Variants in GRID1 observed in about 807,000 individuals in gnomAD.
The protein encoded by GRID1 is glutamate ionotropic receptor delta type subunit 1, also known as glutamate receptor ionotropic, delta-1.
A neutral mutation model predicts 98.0 loss-of-function variants in GRID1; 28 were observed. The ratio of observed to expected loss-of-function variants is 0.29; its 90% CI spans 0.21 to 0.39. GRID1 has a LOEUF of 0.39. Among genes scored for constraint, GRID1 ranks in the 10% least tolerant of loss-of-function variants. The probability of loss-of-function intolerance (pLI) is 1.00; values close to 1 mark genes in which losing one functional copy is unlikely to be tolerated. For missense variants in GRID1, 1,111 were observed against 1,340.5 expected (o/e 0.83, Z 2.67); for synonymous variants, 553 against 538.5 (o/e 1.03, Z -0.37).
chr10:85,972,954 G>T (rs1236540351), intron 4 of GRID1, among the ~76,000 whole-genome samples: 1 of 152,108 alleles, frequency 6.6e-6, no homozygotes, highest in Non-Finnish European at 1.5e-5. Flanking sequence ...TGATTGCATG[G>T]ATTTCATTTT....
At chr10:86,068,920 T>C (rs181636833) in intron 4 of GRID1, among the ~76,000 whole-genome samples, 1 of 152,084 alleles carries the variant, frequency 6.6e-6, no homozygotes, top group Admixed American at 6.5e-5. Flanking sequence ...GGGCTTGCCA[T>C]TCTGCCTCCA....
At chr10:85,986,125 G>T (rs926087037) in intron 4 of GRID1, among the ~76,000 whole-genome samples, 2 of 152,248 alleles carry the variant, frequency 1.3e-5, no homozygotes, top group Admixed American at 1.3e-4. Context: ...GGGAAGTTCT[G>T]CATGCCTCCC....
At chr10:86,183,708 A>T (rs185772698) in intron 3 of GRID1, among the ~76,000 whole-genome samples, 149 of 152,334 alleles carry the variant, frequency 9.8e-4, no homozygotes, top group African/African-American at 3.2e-3. Flanking sequence ...GGTTGTTTTC[A>T]GTTTGGGGCT....
intron 4 of GRID1, among the ~76,000 whole-genome samples, chr10:86,036,858 C>T (rs1843272687): frequency 6.6e-6 from 1 of 152,254 alleles, no homozygotes; most frequent in Non-Finnish European, 1.5e-5. Context: ...GTCCCCCACA[C>T]TCTGCCACTT....
chr10:85,985,797 G>A (rs914986496), intron 4 of GRID1, among the ~76,000 whole-genome samples: 29 of 152,152 alleles, frequency 1.9e-4, no homozygotes, highest in African/African-American at 4.3e-4. Flanking sequence ...TGGATCTCCC[G>A]GATCTGGCTG....
At chr10:86,256,027 G>A (rs1420838183) in intron 2 of GRID1, among the ~76,000 whole-genome samples, 1 of 152,178 alleles carries the variant, frequency 6.6e-6, no homozygotes, top group African/African-American at 2.4e-5. Context: ...TTAAAATACA[G>A]GCATGAAACA....
chr10:85,742,905 T>G (rs987539391), intron 8 of GRID1, among the ~76,000 whole-genome samples: 1 of 152,168 alleles, frequency 6.6e-6, no homozygotes, highest in African/African-American at 2.4e-5. Context: ...CTGACACTAT[T>G]GGCATTTGGG....
At chr10:86,123,318 C>G (rs1218398016) in intron 4 of GRID1, among the ~76,000 whole-genome samples, 1 of 152,180 alleles carries the variant, frequency 6.6e-6, no homozygotes, top group African/African-American at 2.4e-5. Context: ...GGAGGGGAAG[C>G]AGTTGGGAGC....
chr10:85,810,907 G>T (rs1028326095), intron 8 of GRID1, among the ~76,000 whole-genome samples: 2 of 152,094 alleles, frequency 1.3e-5, no homozygotes, highest in Admixed American at 6.5e-5. Context: ...ACCCCGGTGA[G>T]CCAGTCCCCA....
Position 86,195,889 on chromosome 10 carries a change from C to A in GRID1, c.520+10475G>T, listed in dbSNP as rs995125183. ...CAGAACTAGTCACACAAGATACAGG[C>A]AATTTCATCCTTTTAACATTCCAGA... On this transcript the variant is annotated intron_variant, in intron 3 of 15. Coordinates refer to ENST00000327946, the MANE Select transcript of GRID1 (RefSeq NM_017551.3). This position sits in a 1 kb window ranked among gnomAD's most constrained non-coding sequence, Gnocchi z 4.4. Among the ~76,000 whole-genome samples the A allele has an allele frequency of 3.3e-5, 5 of 152,136 alleles. No homozygotes were observed. The highest frequency in any genetic ancestry group is 9.7e-5 in the African/African-American group (4 of 41,444).
chr10:85,760,470 C>T (rs1195011425), intron 8 of GRID1, among the ~76,000 whole-genome samples: 1 of 152,186 alleles, frequency 6.6e-6, no homozygotes, highest in African/African-American at 2.4e-5. Flanking sequence ...AGTTTCAAAA[C>T]AATTTAGCTC....
At chr10:86,055,615 C>T (rs751904812) in intron 4 of GRID1, among the ~76,000 whole-genome samples, 27 of 152,136 alleles carry the variant, frequency 1.8e-4, no homozygotes, top group Non-Finnish European at 1.9e-4. Context: ...TGATGGTGCA[C>T]GCCTGTAATC....
intron 12 of GRID1, among the ~76,000 whole-genome samples, chr10:85,704,419 C>T (rs1022021111): frequency 6.6e-6 from 1 of 152,176 alleles, no homozygotes; most frequent in African/African-American, 2.4e-5. Context: ...GAAGAGCTAA[C>T]TATCCTAAAT....
chr10:85,964,597 G>T (rs1363404329), intron 4 of GRID1, among the ~76,000 whole-genome samples: 1 of 152,160 alleles, frequency 6.6e-6, no homozygotes, highest in African/African-American at 2.4e-5. Flanking sequence ...TATGCCAAAA[G>T]CTGAAACTGG....
intron 8 of GRID1, among the ~76,000 whole-genome samples, chr10:85,768,232 G>C (rs1180551996): frequency 2.0e-5 from 3 of 151,888 alleles, no homozygotes; most frequent in Non-Finnish European, 4.4e-5. Context: ...AAAATATTAA[G>C]TGGAATCCAT....
At chr10:85,883,596 C>T (rs1589287006) in intron 5 of GRID1, among the ~76,000 whole-genome samples, 2 of 149,580 alleles carry the variant, frequency 1.3e-5, no homozygotes, top group South Asian at 2.1e-4. Context: ...TGTTTTTTTC[C>T]GTCATGTACG....
Position 85,602,376 on chromosome 10 carries a change from A to C in GRID1, c.2927T>G (p.Phe976Cys). Residue 976 changes from phenylalanine to cysteine, a missense_variant, in exon 16 of 16, where the codon TTC becomes TGC. Transcript: ENST00000327946. ...GGGGGTCTTCACCGGGCTCTGCCGG[A>C]ACAGCCCCCCGTTGGGTGACCTGTG... Reference protein sequence around the residue: ...CKHRSPNGGLFRQSPVKTPIP... With the variant: ...CKHRSPNGGLCRQSPVKTPIP... 5.6e-6 allele frequency: 9 copies of C among 1,606,354 alleles called. 1 individual carries two copies. In the South Asian group the frequency reaches 9.9e-5, roughly 18 times the overall value.
At chr10:85,636,970 A>G (rs543855098) in intron 13 of GRID1, among the ~76,000 whole-genome samples, 3 of 152,216 alleles carry the variant, frequency 2.0e-5, no homozygotes, top group Non-Finnish European at 4.4e-5. Flanking sequence ...ATAACTGTAA[A>G]TAACTGGAAA....
At chr10:85,781,920 T>C (rs1394621351) in intron 8 of GRID1, among the ~76,000 whole-genome samples, 6 of 152,164 alleles carry the variant, frequency 3.9e-5, no homozygotes, top group Non-Finnish European at 8.8e-5. Context: ...CACTAGGCCC[T>C]GACAAGCTCT....
Sources: gnomAD v4.1 joint callset for allele counts (sites outside exome capture counted in the v4.1 genomes callset) on GRCh38, gnomAD v4.1.1 for gene constraint, Gnocchi (gnomAD v3.1) non-coding constraint, MANE v1.5 for transcripts, NCBI Gene and HGNC (gene_info 2026-07-23, HGNC 2026-07-21) for gene names.